Variants in GPBP1 observed in about 807,000 individuals in gnomAD.
GPBP1 encodes vasculin.
Under a neutral mutation model 56.5 loss-of-function variants are expected in GPBP1, and 13 were observed. The ratio of observed to expected loss-of-function variants is 0.23; its 90% CI spans 0.15 to 0.37. The LOEUF is 0.37. Among genes scored for constraint, GPBP1 ranks in the 10% least tolerant of loss-of-function variants. The pLI is 1.00. For missense variants in GPBP1, 477 were observed against 572.3 expected, an observed-to-expected ratio of 0.83 and a Z score of 1.70; for synonymous variants, 204 against 188.9, an observed-to-expected ratio of 1.08 and a Z score of -0.66.
chr5:57,248,627 G>A (rs942073554), intron 8 of GPBP1, among the ~76,000 whole-genome samples: 2 of 151,774 alleles, frequency 1.3e-5, no homozygotes, highest in Non-Finnish European at 2.9e-5. Flanking sequence ...GTAGAGACGG[G>A]GTTTCACCGT....
intron 2 of GPBP1, among the ~76,000 whole-genome samples, chr5:57,185,158 C>T (rs539001653): frequency 3.3e-5 from 5 of 152,108 alleles, no homozygotes; most frequent in Admixed American, 2.0e-4. Context: ...CAGAACTGCC[C>T]GGGTCATGTG....
chr5:57,206,205 T>G (rs1233775741), intron 2 of GPBP1, among the ~76,000 whole-genome samples: 4 of 152,150 alleles, frequency 2.6e-5, no homozygotes, highest in African/African-American at 4.8e-5. Flanking sequence ...ATAGATAATA[T>G]TTTTTGCACA....
intron 10 of GPBP1, among the ~76,000 whole-genome samples, chr5:57,257,107 C>T (rs1007045348): frequency 2.0e-5 from 3 of 151,852 alleles, no homozygotes; most frequent in East Asian, 1.9e-4. Flanking sequence ...GACCTCTGCT[C>T]ACTGCAACCT....
intron 3 of GPBP1, among the ~76,000 whole-genome samples, chr5:57,219,383 A>AC: frequency 5.1e-5 from 3 of 58,628 alleles, no homozygotes; most frequent in Non-Finnish European, 8.7e-5. Context: ...CTCAAAAAAA[A>AC]AAAAAAAAAA....
Position 57,175,712 on chromosome 5 carries a change from A to G in GPBP1, c.-746A>G. On this transcript the variant is annotated 5_prime_UTR_variant, in exon 2 of 12. Transcript: ENST00000506184. ...TGGTTACAGTATTTCAGCTGGTGGT[A>G]ATTTTTGCCTCCCCTTCCCCCACCC... 1 of 396,584 alleles carries G rather than the reference A, an allele frequency of 2.5e-6. No individual in the cohort carries two copies. Among genetic ancestry groups the G allele is most frequent in the East Asian group, 3.6e-5 (1 of 28,008 alleles). 24.6% of individuals were successfully genotyped at this position (396,584 alleles called of 1,614,324 possible).
rs1282991768 is a variant in GPBP1 at position 57,249,489 on chromosome 5, T to C, written c.885T>C (p.Thr295=). 1 of 1,612,756 alleles carries C rather than the reference T, an allele frequency of 6.2e-7. No homozygotes were observed. The highest frequency in any genetic ancestry group is 1.7e-5 in the Admixed American group (1 of 59,768). The change falls in exon 9 of 12, where the codon ACT becomes ACC. Residue 295 remains threonine, a synonymous_variant. Coordinates refer to ENST00000506184, the MANE Select transcript of GPBP1 (RefSeq NM_022913.4). ...TAACCAAACTGACACGAATGCGCAC[T>C]GATAAGAAGAGTGAATTTTTGAAAG... ...PRLTKLTRMR[T]DKKSEFLKAL... is the part of the protein sequence containing the mutation.
At chr5:57,255,181 C>T (rs568088438) in intron 10 of GPBP1, among the ~76,000 whole-genome samples, 2 of 151,416 alleles carry the variant, frequency 1.3e-5, no homozygotes, top group South Asian at 2.1e-4. Context: ...TGTGTGTTCA[C>T]GTCCTCTCTC....
At chr5:57,178,146 C>T (rs529218373) in intron 2 of GPBP1, among the ~76,000 whole-genome samples, 2 of 152,308 alleles carry the variant, frequency 1.3e-5, no homozygotes, top group South Asian at 2.1e-4. Flanking sequence ...AATTCAATGA[C>T]TTTTCAAGTT....
chr5:57,205,320 A>G (rs371677721), intron 2 of GPBP1, among the ~76,000 whole-genome samples: 1 of 152,050 alleles, frequency 6.6e-6, no homozygotes, highest in East Asian at 1.9e-4. Flanking sequence ...TCTTTTGTCT[A>G]TTGATGGACA....
intron 2 of GPBP1, among the ~76,000 whole-genome samples, chr5:57,195,980 CAAAAAAAAAAAA>C (rs1181097227): frequency 3.4e-5 from 1 of 29,748 alleles, no homozygotes; most frequent in Non-Finnish European, 5.4e-5. Context: ...AACTCCATCT[CAAAAAAAAAAAA>C]AAAAAAAAAA....
intron 6 of GPBP1, chr5:57,245,501 CTTAAT>C (rs1431790780): frequency 6.6e-6 from 1 of 152,190 alleles, no homozygotes; most frequent in Non-Finnish European, 1.5e-5. Flanking sequence ...ATGTGGAGAA[CTTAAT>C]TTATTCTAAA....
intron 2 of GPBP1, among the ~76,000 whole-genome samples, chr5:57,204,508 T>A (rs1755149037): frequency 6.6e-6 from 1 of 152,198 alleles, no homozygotes. Context: ...GACCTGGGCC[T>A]CCCAAAGTGC....
intron 2 of GPBP1, among the ~76,000 whole-genome samples, chr5:57,202,680 A>G (rs1755072363): frequency 6.6e-6 from 1 of 152,180 alleles, no homozygotes; most frequent in South Asian, 2.1e-4. Context: ...TTGCTTGTCT[A>G]CACTTCTAAG....
chr5:57,223,803 T>C (rs1432878547), intron 3 of GPBP1, among the ~76,000 whole-genome samples: 1 of 149,142 alleles, frequency 6.7e-6, no homozygotes, highest in Non-Finnish European at 1.5e-5. Context: ...TTAAAATTTA[T>C]AATTTTAAAA....
intron 2 of GPBP1, among the ~76,000 whole-genome samples, chr5:57,191,330 G>T (rs1168325608): frequency 6.6e-6 from 1 of 152,076 alleles, no homozygotes; most frequent in Non-Finnish European, 1.5e-5. Context: ...CGGACCTTAA[G>T]TGATCCATCT....
chr5:57,189,449 G>T (rs2111624787), intron 2 of GPBP1, among the ~76,000 whole-genome samples: 1 of 152,186 alleles, frequency 6.6e-6, no homozygotes, highest in Admixed American at 6.5e-5. Context: ...GTAGAGACAG[G>T]GTTTTACTAT....
intron 2 of GPBP1, among the ~76,000 whole-genome samples, chr5:57,203,485 A>C (rs550038667): frequency 6.6e-6 from 1 of 152,230 alleles, no homozygotes; most frequent in Non-Finnish European, 1.5e-5. Flanking sequence ...AAAATACAAA[A>C]AAATTTAGCC....
intron 3 of GPBP1, among the ~76,000 whole-genome samples, chr5:57,214,577 CTG>C (rs1755626141): frequency 6.6e-6 from 1 of 152,164 alleles, no homozygotes; most frequent in Admixed American, 6.5e-5. Flanking sequence ...AAGAGCGAAA[CTG>C]TCTCAAAACA....
At chr5:57,181,670 A>C (rs1754056682) in intron 2 of GPBP1, among the ~76,000 whole-genome samples, 1 of 151,950 alleles carries the variant, frequency 6.6e-6, no homozygotes, top group East Asian at 1.9e-4. Flanking sequence ...TGTTCTACCC[A>C]CCTCGGCCTC....
Sources: allele counts gnomAD v4.1 joint callset (sites outside exome capture counted in the v4.1 genomes callset), GRCh38; gene constraint gnomAD v4.1.1; transcripts MANE v1.5; gene names NCBI Gene and HGNC (gene_info 2026-07-23, HGNC 2026-07-21).